The following ST3GAL1 variants were observed in gnomAD, a reference collection of about 807,000 sequenced individuals.
ST3GAL1 encodes CMP-N-acetylneuraminate-beta-galactosamide-alpha-2,3-sialyltransferase 1.
A neutral mutation model predicts 34.1 loss-of-function variants in ST3GAL1; 16 were observed. The ratio of observed to expected loss-of-function variants is 0.47; its 90% confidence interval spans 0.32 to 0.71. ST3GAL1 has a LOEUF of 0.71. ST3GAL1 is among the 30% of genes least tolerant of loss of function. The pLI is 0.04. For synonymous variants in ST3GAL1, 191 were observed against 184.7 expected (o/e 1.03, Z -0.28); for missense variants, 353 against 447.4 (o/e 0.79, Z 1.90).
In ST3GAL1 at chr8:133,556,197, G is replaced by GT. The variant is rs531167349; in HGVS notation, c.-581-10272dup. Among the ~76,000 whole-genome samples, 138 of 152,216 alleles carry GT rather than the reference G, an allele frequency of 9.1e-4. No homozygotes were observed. The highest frequency in any genetic ancestry group is 3.2e-3 in the African/African-American group (134 of 41,546). On this transcript the variant is annotated intron_variant, in intron 1 of 9. Coordinates refer to ENST00000522652, the MANE Select transcript of ST3GAL1 (RefSeq NM_173344.3). The surrounding 1 kb of genome is among the most constrained non-coding windows in gnomAD (Gnocchi z 8.9). ...AGGCATGAGCCACCATGCCCAGCTT[G>GT]TTTTTTCTTTTTGAATCTCCACTCT... is the stretch of plus-strand genomic sequence containing the variant.
intron 2 of ST3GAL1, among the ~76,000 whole-genome samples, chr8:133,512,688 C>T (rs944154198): frequency 3.9e-5 from 6 of 152,128 alleles, no homozygotes; most frequent in Non-Finnish European, 7.4e-5. Context: ...TTCTCCAGTA[C>T]GTCATGAGAC....
chr8:133,473,311 C>T (rs1400311259), intron 5 of ST3GAL1, among the ~76,000 whole-genome samples: 20 of 152,174 alleles, frequency 1.3e-4, no homozygotes, highest in African/African-American at 2.4e-5. Flanking sequence ...TTGATGTTCT[C>T]TTTTGCAAAA....
chr8:133,564,215 A>G (rs1316654766), intron 1 of ST3GAL1, among the ~76,000 whole-genome samples: 1 of 152,236 alleles, frequency 6.6e-6, no homozygotes, highest in African/African-American at 2.4e-5. Context: ...TGGTATGATC[A>G]TGAAGTTCTC....
intron 2 of ST3GAL1, among the ~76,000 whole-genome samples, chr8:133,518,729 A>G (rs1817715690): frequency 6.6e-6 from 1 of 152,242 alleles, no homozygotes; most frequent in South Asian, 2.1e-4. Context: ...ACATTTGCTC[A>G]GCAGTACTAT....
At position 133,459,133 on chromosome 8, in the gene ST3GAL1, G is replaced by C. The variant is rs2130910015; in HGVS notation, c.*631C>G. The C allele has an allele frequency of 6.6e-6, 1 of 152,330 alleles. No individual in the cohort carries two copies. Among genetic ancestry groups the C allele is most frequent in the East Asian group, 1.9e-4 (1 of 5,152 alleles). 9.4% of individuals were successfully genotyped at this position (152,330 alleles called of 1,614,324 possible). A position where few individuals can be genotyped will look rare whatever the true frequency, so the allele number is the denominator to read the frequency against. ...TGGTCTTGAACTCCTGGGCTCAAGT[G>C]ATCCTCCCGCCTCGGCCTCCCAAAG... On this transcript the variant is annotated 3_prime_UTR_variant, in exon 10 of 10. Transcript: ENST00000522652. This position sits in a 1 kb window ranked among gnomAD's most constrained non-coding sequence, Gnocchi z 4.7.
At chr8:133,552,249 C>T (rs1381396191) in intron 1 of ST3GAL1, among the ~76,000 whole-genome samples, 1 of 152,206 alleles carries the variant, frequency 6.6e-6, no homozygotes, top group Non-Finnish European at 1.5e-5. Flanking sequence ...TCTAGATTCC[C>T]ATCCGGGACA....
rs1815530227 is a variant in ST3GAL1, at chr8:133,462,010, G to T, written c.730-16C>A. ...AGATCAGGATCTGCGGGGATGGGAAGACACGGCCCTTAGTGAGTTCTGGGG... is the reference window on the plus strand; with the variant it reads ...AGATCAGGATCTGCGGGGATGGGAATACACGGCCCTTAGTGAGTTCTGGGG... On this transcript the variant is annotated splice_polypyrimidine_tract_variant and intron_variant, in intron 8 of 9. Transcript: ENST00000522652. The T allele has an allele frequency of 1.9e-6, 3 of 1,613,900 alleles. No individual in the cohort carries two copies. Among genetic ancestry groups the T allele is most frequent in the Non-Finnish European group, 2.5e-6 (3 of 1,179,974 alleles).
intron 3 of ST3GAL1, among the ~76,000 whole-genome samples, chr8:133,476,864 C>T (rs1448017855): frequency 2.0e-5 from 3 of 152,330 alleles, no homozygotes; most frequent in South Asian, 4.1e-4. Flanking sequence ...CACATTGACA[C>T]ACTCAACAAA....
intron 2 of ST3GAL1, among the ~76,000 whole-genome samples, chr8:133,527,821 C>T (rs1484936708): frequency 6.6e-6 from 1 of 152,144 alleles, no homozygotes; most frequent in Non-Finnish European, 1.5e-5. Flanking sequence ...GAAGTCAATC[C>T]AGATGGGCTC....
intron 1 of ST3GAL1, among the ~76,000 whole-genome samples, chr8:133,554,095 G>A (rs563306650): frequency 3.9e-5 from 6 of 152,298 alleles, no homozygotes; most frequent in African/African-American, 1.4e-4. Flanking sequence ...ATCAAAGGTG[G>A]AGGATTTCTG....
chr8:133,516,874 G>A (rs1411833602), intron 2 of ST3GAL1, among the ~76,000 whole-genome samples: 2 of 152,200 alleles, frequency 1.3e-5, no homozygotes, highest in African/African-American at 2.4e-5. Context: ...ACCAGGTCAA[G>A]GGCAAAAGGA....
At chr8:133,546,984 G>A (rs998431980) in intron 1 of ST3GAL1, among the ~76,000 whole-genome samples, 9 of 147,392 alleles carry the variant, frequency 6.1e-5, no homozygotes, top group South Asian at 2.2e-4. Context: ...CAGCCTGGGC[G>A]ACAGCGAGAC....
chr8:133,551,706 G>T (rs760435424), intron 1 of ST3GAL1, among the ~76,000 whole-genome samples: 2 of 152,210 alleles, frequency 1.3e-5, no homozygotes, highest in Admixed American at 1.3e-4. Context: ...GCTCTGATAA[G>T]AAGTAAGTGA....
chr8:133,462,532 G>C (rs1815550964), intron 8 of ST3GAL1, among the ~76,000 whole-genome samples: 3 of 152,222 alleles, frequency 2.0e-5, no homozygotes, highest in Admixed American at 1.3e-4. Flanking sequence ...TGGCTGAGCT[G>C]GGAGGAGGCC....
In ST3GAL1 at chr8:133,508,506, G is replaced by A. The variant is rs1027312422; in HGVS notation, c.-428-9317C>T. Among the ~76,000 whole-genome samples the A allele has an allele frequency of 2.6e-5, 4 of 152,118 alleles. No homozygotes were observed. The highest frequency in any genetic ancestry group is 4.4e-5 in the Non-Finnish European group (3 of 68,030). On this transcript the variant is annotated intron_variant, in intron 2 of 9. Transcript: ENST00000522652. This position sits in a 1 kb window ranked among gnomAD's most constrained non-coding sequence, Gnocchi z 4.1. Reference sequence around the variant, plus strand: ...CACTTCCTCTGCAATCTACGTGCACGGAGTCCCAGACTCAGGTTCTACAGG... The same window carrying A: ...CACTTCCTCTGCAATCTACGTGCACAGAGTCCCAGACTCAGGTTCTACAGG...
chr8:133,519,555 T>A (rs1817739853), intron 2 of ST3GAL1, among the ~76,000 whole-genome samples: 1 of 152,182 alleles, frequency 6.6e-6, no homozygotes, highest in South Asian at 2.1e-4. Flanking sequence ...CAAGCTGGCA[T>A]GAGTCAGGAA....
chr8:133,477,553 T>G (rs1816226034), intron 3 of ST3GAL1, among the ~76,000 whole-genome samples: 2 of 151,260 alleles, frequency 1.3e-5, no homozygotes, highest in Non-Finnish European at 1.5e-5. Flanking sequence ...GAACAGGGGG[T>G]TGGGGGGCTC....
intron 1 of ST3GAL1, among the ~76,000 whole-genome samples, chr8:133,554,210 C>A (rs562237814): frequency 6.6e-6 from 1 of 152,138 alleles, no homozygotes; most frequent in Admixed American, 6.6e-5. Flanking sequence ...AATTCTAGAC[C>A]CATTTTTCAG....
At chr8:133,562,923 T>C (rs1011886180) in intron 1 of ST3GAL1, among the ~76,000 whole-genome samples, 5 of 151,796 alleles carry the variant, frequency 3.3e-5, no homozygotes, top group Admixed American at 2.0e-4. Context: ...AGATTTTTGT[T>C]TTTTTATGTG....
Sources: gnomAD v4.1 joint callset for allele counts (sites outside exome capture counted in the v4.1 genomes callset) on GRCh38, gnomAD v4.1.1 for gene constraint, Gnocchi (gnomAD v3.1) non-coding constraint, MANE v1.5 for transcripts, NCBI Gene and HGNC (gene_info 2026-07-23, HGNC 2026-07-21) for gene names.